The following RANBP3L variants were observed in gnomAD, a reference collection of about 807,000 sequenced individuals.
RANBP3L encodes ran-binding protein 3-like.
RANBP3L carries 56 observed loss-of-function variants against 67.2 expected under a neutral mutation model. That is an observed-to-expected ratio of 0.83 (90% CI 0.67 to 1.04). The LOEUF is 1.04. RANBP3L is among the 50% of genes least tolerant of loss of function. RANBP3L has a pLI of 0.00. For synonymous variants in RANBP3L, 164 were observed against 181.4 expected (o/e 0.90, Z 0.77); for missense variants, 496 against 535.5 (o/e 0.93, Z 0.73).
rs577847480 is a variant in RANBP3L at position 36,258,194 on chromosome 5, T to C, written c.670-638A>G. Among the ~76,000 whole-genome samples, 28 of 152,314 alleles carry C rather than the reference T, an allele frequency of 1.8e-4. No homozygotes were observed. In the South Asian group the frequency reaches 4.6e-3, roughly 25 times the overall value. ...TGCCAACAGTAGCTTTTAAGGCTACTTGGGGCTCTGTATGTCTGTTGTAAT... is the reference window on the plus strand; with the variant it reads ...TGCCAACAGTAGCTTTTAAGGCTACCTGGGGCTCTGTATGTCTGTTGTAAT... On this transcript the variant is annotated intron_variant, in intron 8 of 13. Coordinates refer to ENST00000296604, the MANE Select transcript of RANBP3L (RefSeq NM_145000.5).
chr5:36,251,390 T>C lies in RANBP3L; in HGVS notation c.1277A>G (p.Glu426Gly). ...TTCGCAGTTCAATTGTTGGGCTGTT[T>C]CTGACAGGCTTTCAGCTTGATTGAC... Reference protein sequence around the residue: ...RDVNQAESLSETAQQLNCESC... With the variant: ...RDVNQAESLSGTAQQLNCESC... Residue 426 changes from glutamate to glycine, a missense_variant, in exon 13 of 14, where the codon GAA becomes GGA. Coordinates refer to ENST00000296604, the MANE Select transcript of RANBP3L (RefSeq NM_145000.5). 1 of 1,613,508 alleles carries C rather than the reference T, an allele frequency of 6.2e-7. No homozygotes were observed. The highest frequency in any genetic ancestry group is 8.5e-7 in the Non-Finnish European group (1 of 1,179,622).
chr5:36,255,441 A>G, intron 11 of RANBP3L, 29 bp downstream of exon 11: 2 of 1,597,310 alleles, frequency 1.3e-6, no homozygotes, highest in Middle Eastern at 1.7e-4. Context: ...CTGACAAATT[A>G]TGGCTTGCTT....
At chr5:36,258,565 A>G (rs1220791353) in intron 8 of RANBP3L, among the ~76,000 whole-genome samples, 1 of 152,210 alleles carries the variant, frequency 6.6e-6, no homozygotes, top group Non-Finnish European at 1.5e-5. Context: ...AACACAAATT[A>G]TCTCTATAAT....
chr5:36,262,087 A>G lies in RANBP3L; in HGVS notation c.481-45T>C, dbSNP rs754762989. The G allele has an allele frequency of 6.6e-6, 6 of 905,510 alleles. No individual in the cohort carries two copies. In the Admixed American group the frequency reaches 1.1e-4, roughly 17 times the overall value. 56.1% of individuals were successfully genotyped at this position (905,510 alleles called of 1,614,324 possible). ...TCAAAAAGTTTATAAAGACTACCTT[A>G]CTATAGGACCATCAGACAAGGAAAC... On this transcript the variant is annotated intron_variant, in intron 6 of 13. Coordinates refer to ENST00000296604, the MANE Select transcript of RANBP3L (RefSeq NM_145000.5).
chr5:36,257,181 G>T, intron 9 of RANBP3L, 110 bp from the exon 10 acceptor site: 2 of 908,104 alleles, frequency 2.2e-6, no homozygotes. Context: ...CTAGTAGTAA[G>T]TGATTCTAAA....
At chr5:36,251,025 GA>G (rs1253484255) in intron 13 of RANBP3L, among the ~76,000 whole-genome samples, 1 of 152,014 alleles carries the variant, frequency 6.6e-6, no homozygotes, top group Non-Finnish European at 1.5e-5. Context: ...TAAGTGAAGA[GA>G]AATAAAAATG....
At chr5:36,255,706 A>G in intron 10 of RANBP3L, 116 bp from the exon 11 acceptor site, 1 of 587,048 alleles carries the variant, frequency 1.7e-6, no homozygotes, top group South Asian at 2.6e-5. Context: ...AATCTTTGTT[A>G]ATGATTTATA....
At chr5:36,280,097 T>C (rs1561128478) in intron 1 of RANBP3L, among the ~76,000 whole-genome samples, 1 of 152,140 alleles carries the variant, frequency 6.6e-6, no homozygotes, top group South Asian at 2.1e-4. Context: ...AAGGGAACCA[T>C]TCATTTTAAG....
intron 12 of RANBP3L, among the ~76,000 whole-genome samples, chr5:36,252,743 A>G (rs1316064366): frequency 6.6e-6 from 1 of 152,154 alleles, no homozygotes; most frequent in Non-Finnish European, 1.5e-5. Flanking sequence ...AATCTGGCCC[A>G]GACGACTGGC....
intron 1 of RANBP3L, among the ~76,000 whole-genome samples, chr5:36,284,077 G>A (rs1373151306): frequency 1.3e-5 from 2 of 151,614 alleles, no homozygotes; most frequent in Non-Finnish European, 2.9e-5. Context: ...TCCACCTCCC[G>A]GATTCAAGTG....
chr5:36,255,728 A>G, intron 10 of RANBP3L, 138 bp from the exon 11 acceptor site: 1 of 522,570 alleles, frequency 1.9e-6, no homozygotes, highest in Non-Finnish European at 3.3e-6. Context: ...ACCAGCTTTT[A>G]AAATATATTT....
At chr5:36,286,299 A>C (rs79755944) in intron 1 of RANBP3L, among the ~76,000 whole-genome samples, 1 of 152,272 alleles carries the variant, frequency 6.6e-6, no homozygotes, top group African/African-American at 2.4e-5. Flanking sequence ...TGATCAAATT[A>C]ACTCAAATTG....
chr5:36,285,186 G>A (rs2112047091), intron 1 of RANBP3L, among the ~76,000 whole-genome samples: 1 of 152,254 alleles, frequency 6.6e-6, no homozygotes, highest in South Asian at 2.1e-4. Context: ...TTAGCACTGT[G>A]GTATGGTCTA....
chr5:36,267,607 T>C (rs1377650424), intron 4 of RANBP3L, among the ~76,000 whole-genome samples: 1 of 152,188 alleles, frequency 6.6e-6, no homozygotes, highest in East Asian at 1.9e-4. Flanking sequence ...TTTTCTTTCT[T>C]AGTGGCAAAC....
intron 11 of RANBP3L, among the ~76,000 whole-genome samples, chr5:36,254,371 T>C (rs1429353370): frequency 1.3e-5 from 2 of 152,232 alleles, no homozygotes; most frequent in African/African-American, 2.4e-5. Flanking sequence ...CTCAGGAAGA[T>C]AGGCCTTTAA....
intron 11 of RANBP3L, among the ~76,000 whole-genome samples, chr5:36,255,210 A>G (rs1364680379): frequency 6.6e-6 from 1 of 152,106 alleles, no homozygotes; most frequent in Non-Finnish European, 1.5e-5. Flanking sequence ...TTTTAAATTG[A>G]TATAAGTAGA....
chr5:36,288,656 A>T (rs1751494221), intron 1 of RANBP3L, among the ~76,000 whole-genome samples: 1 of 152,114 alleles, frequency 6.6e-6, no homozygotes, highest in South Asian at 2.1e-4. Flanking sequence ...TTAAAATTTT[A>T]GCCATTCTAG....
intron 11 of RANBP3L, among the ~76,000 whole-genome samples, chr5:36,255,059 A>T (rs551943537): frequency 2.6e-5 from 4 of 152,218 alleles, no homozygotes; most frequent in African/African-American, 9.6e-5. Context: ...CACTTCACAA[A>T]ATAATTTGCA....
intron 1 of RANBP3L, among the ~76,000 whole-genome samples, chr5:36,284,133 C>A (rs1326936306): frequency 6.6e-6 from 1 of 152,084 alleles, no homozygotes; most frequent in Non-Finnish European, 1.5e-5. Context: ...CCATTTTAAA[C>A]CCTGTTCTCC....
Sources: gnomAD v4.1 joint callset for allele counts (sites outside exome capture counted in the v4.1 genomes callset) on GRCh38, gnomAD v4.1.1 for gene constraint, MANE v1.5 for transcripts, NCBI Gene and HGNC (gene_info 2026-07-23, HGNC 2026-07-21) for gene names.